Variants in AGBL4 observed in about 807,000 individuals in gnomAD.
The protein encoded by AGBL4 is cytosolic carboxypeptidase 6.
In AGBL4, 58 loss-of-function variants were observed where a neutral mutation model predicts 66.4. The ratio of observed to expected loss-of-function variants is 0.87; its 90% CI spans 0.71 to 1.09. AGBL4 has a LOEUF of 1.09. Ranked by LOEUF, AGBL4 falls within the 50% of genes least tolerant of loss-of-function variation. The pLI is 0.00. For missense variants in AGBL4, 579 were observed against 631.0 expected (o/e 0.92, Z 0.88); for synonymous variants, 234 against 222.9 (o/e 1.05, Z -0.44).
At chr1:48,835,167 T>C (rs925538776) in intron 6 of AGBL4, among the ~76,000 whole-genome samples, 1 of 152,110 alleles carries the variant, frequency 6.6e-6, no homozygotes, top group Non-Finnish European at 1.5e-5. Flanking sequence ...TAAATGGACT[T>C]ATGGGTTTGG....
chr1:48,742,907 AC>A, intron 6 of AGBL4: 1 of 787,706 alleles, frequency 1.3e-6, no homozygotes, highest in Non-Finnish European at 1.8e-6. Context: ...CTACACTTAA[AC>A]CCAGACTCGA....
chr1:49,117,947 G>A (rs945808897), intron 4 of AGBL4, among the ~76,000 whole-genome samples: 1 of 152,144 alleles, frequency 6.6e-6, no homozygotes, highest in Non-Finnish European at 1.5e-5. Context: ...TCCCTTGTAA[G>A]TTGGATTCCT....
At chr1:49,475,642 C>T (rs1004707857) in intron 3 of AGBL4, among the ~76,000 whole-genome samples, 5 of 151,954 alleles carry the variant, frequency 3.3e-5, no homozygotes, top group African/African-American at 1.2e-4. Context: ...TGATTTCTTC[C>T]TTGTTCAATC....
chr1:49,928,699 A>G (rs1653037068), intron 1 of AGBL4, among the ~76,000 whole-genome samples: 2 of 152,248 alleles, frequency 1.3e-5, no homozygotes, highest in Non-Finnish European at 2.9e-5. Context: ...AAACCAGAAT[A>G]GAATTACAGT....
intron 6 of AGBL4, among the ~76,000 whole-genome samples, chr1:48,794,930 A>C (rs1363431182): frequency 1.3e-5 from 2 of 152,298 alleles, no homozygotes. Flanking sequence ...ACTTTTGAGA[A>C]GCCTGCTTCT....
chr1:48,951,950 C>T (rs1480123203), intron 5 of AGBL4, among the ~76,000 whole-genome samples: 2 of 152,144 alleles, frequency 1.3e-5, no homozygotes, highest in African/African-American at 4.8e-5. Context: ...AAAACAAAAC[C>T]TTTGAGAAGC....
At chr1:48,631,599 G>A (rs1406761408) in intron 9 of AGBL4, among the ~76,000 whole-genome samples, 3 of 152,014 alleles carry the variant, frequency 2.0e-5, no homozygotes, top group Non-Finnish European at 2.9e-5. Context: ...TTGCCATGTT[G>A]GCCAGGCTGG....
At chr1:49,865,867 C>T (rs1646687179) in intron 1 of AGBL4, 2 of 323,332 alleles carry the variant, frequency 6.2e-6, no homozygotes, top group Non-Finnish European at 1.2e-5. Context: ...CATGACAAAA[C>T]ATTACAGGAG....
At chr1:49,797,126 C>T (rs1003260626) in intron 2 of AGBL4, among the ~76,000 whole-genome samples, 3 of 152,102 alleles carry the variant, frequency 2.0e-5, no homozygotes, top group African/African-American at 7.2e-5. Flanking sequence ...TTTTTATCAA[C>T]TTTCTATTCA....
At chr1:48,575,383 G>C (rs1219452274) in intron 11 of AGBL4, among the ~76,000 whole-genome samples, 4 of 152,168 alleles carry the variant, frequency 2.6e-5, no homozygotes, top group African/African-American at 9.7e-5. Flanking sequence ...GGGCAGGCGG[G>C]TGTTACTTGG....
chr1:49,845,028 G>A (rs1350022687), intron 2 of AGBL4: 4 of 1,438,004 alleles, frequency 2.8e-6, no homozygotes, highest in African/African-American at 1.4e-5. Flanking sequence ...AAAGGGAGAA[G>A]CCAGACCTAA....
At chr1:49,347,845 T>C (rs1327005899) in intron 3 of AGBL4, among the ~76,000 whole-genome samples, 1 of 151,342 alleles carries the variant, frequency 6.6e-6, no homozygotes, top group Non-Finnish European at 1.5e-5. Flanking sequence ...GGCGACAGAG[T>C]GAGACTCTGT....
chr1:48,806,316 G>C (rs1354683493), intron 6 of AGBL4, among the ~76,000 whole-genome samples: 1 of 152,102 alleles, frequency 6.6e-6, no homozygotes, highest in Non-Finnish European at 1.5e-5. Flanking sequence ...TCTGGTGTTC[G>C]AGGCCCAACT....
chr1:49,596,167 G>A (rs1644849199), intron 3 of AGBL4, among the ~76,000 whole-genome samples: 1 of 152,092 alleles, frequency 6.6e-6, no homozygotes. Flanking sequence ...AGGAAACATG[G>A]AGGTCCTTTG....
At chr1:48,713,861 A>G (rs965032304) in intron 6 of AGBL4, among the ~76,000 whole-genome samples, 3 of 152,150 alleles carry the variant, frequency 2.0e-5, no homozygotes, top group African/African-American at 7.2e-5. Context: ...GAGTTTACTT[A>G]CATCCCTTTG....
At chr1:49,269,383 G>A (rs1009155400) in intron 3 of AGBL4, 2 of 152,148 alleles carry the variant, frequency 1.3e-5, no homozygotes, top group Non-Finnish European at 2.9e-5. Flanking sequence ...TGAGATGGCT[G>A]TTCAAAGAGC....
At chr1:48,950,121 A>C (rs1034548828) in intron 5 of AGBL4, among the ~76,000 whole-genome samples, 1 of 152,136 alleles carries the variant, frequency 6.6e-6, no homozygotes, top group Non-Finnish European at 1.5e-5. Flanking sequence ...TTTTTGAGAC[A>C]TGTCTCACCC....
chr1:49,252,943 A>C (rs117269311), intron 3 of AGBL4, among the ~76,000 whole-genome samples: 1 of 152,208 alleles, frequency 6.6e-6, no homozygotes, highest in Non-Finnish European at 1.5e-5. Context: ...ATGACTAGCC[A>C]TGACAAAAAC....
chr1:49,570,353 T>C (rs575890028), intron 3 of AGBL4, among the ~76,000 whole-genome samples: 3 of 152,274 alleles, frequency 2.0e-5, no homozygotes, highest in African/African-American at 7.2e-5. Context: ...CTAAAATTGC[T>C]TCTTGGCCAT....
Sources: allele counts gnomAD v4.1 joint callset (sites outside exome capture counted in the v4.1 genomes callset), GRCh38; gene constraint gnomAD v4.1.1; transcripts MANE v1.5; gene names NCBI Gene and HGNC (gene_info 2026-07-23, HGNC 2026-07-21).